Variants in XYLB observed in about 807,000 individuals in gnomAD.
XYLB encodes xylulose kinase.
A neutral mutation model predicts 78.7 loss-of-function variants in XYLB; 62 were observed. The ratio of observed to expected loss-of-function variants is 0.79; its 90% CI spans 0.64 to 0.97. The LOEUF (loss-of-function observed/expected upper bound fraction) is 0.97, where lower values mean the gene tolerates loss of function less well. XYLB is among the 50% of genes least tolerant of loss of function. The probability of loss-of-function intolerance (pLI) is 0.00; values close to 1 mark genes in which losing one functional copy is unlikely to be tolerated. For missense variants in XYLB, 687 were observed against 676.8 expected, an observed-to-expected ratio of 1.02 and a Z score of -0.17; for synonymous variants, 245 against 247.4, an observed-to-expected ratio of 0.99 and a Z score of 0.09.
chr3:38,372,465 C>T (rs973352342), intron 9 of XYLB, 190 bp from the exon 10 acceptor site: 29 of 985,178 alleles, frequency 2.9e-5, no homozygotes, highest in Non-Finnish European at 3.3e-5. Flanking sequence ...ACTTCTCTGG[C>T]GATTTGTGAA....
chr3:38,382,689 C>G (rs561564363), intron 15 of XYLB, among the ~76,000 whole-genome samples: 1 of 152,224 alleles, frequency 6.6e-6, no homozygotes, highest in East Asian at 1.9e-4. Context: ...GGCAGGGGTC[C>G]TCCGGCTGTC....
the XYLB span, among the ~76,000 whole-genome samples, chr3:38,431,086 G>T: frequency 2.0e-5 from 3 of 152,132 alleles, no homozygotes; most frequent in South Asian, 6.2e-4. Context: ...TTCCAATTCT[G>T]TGAAGAAAGT....
At chr3:38,379,050 T>C (rs1050662702) in intron 14 of XYLB, among the ~76,000 whole-genome samples, 196 bp from the exon 15 acceptor site, 2 of 151,916 alleles carry the variant, frequency 1.3e-5, no homozygotes, top group Non-Finnish European at 2.9e-5. Context: ...GACATGCATG[T>C]GAGGCTGTGA....
At chr3:38,445,889 T>C in the XYLB span, among the ~76,000 whole-genome samples, 2 of 152,164 alleles carry the variant, frequency 1.3e-5, no homozygotes, top group South Asian at 4.1e-4. Flanking sequence ...AGGGGTCCAA[T>C]GGTACTCACT....
At chr3:38,448,100 G>C in the XYLB span, among the ~76,000 whole-genome samples, 1 of 152,078 alleles carries the variant, frequency 6.6e-6, no homozygotes, top group Non-Finnish European at 1.5e-5. Flanking sequence ...CAGCATCGTG[G>C]ATGGATCTGG....
At chr3:38,447,792 C>G in the XYLB span, among the ~76,000 whole-genome samples, 2 of 152,118 alleles carry the variant, frequency 1.3e-5, no homozygotes, top group African/African-American at 4.8e-5. Flanking sequence ...AAAGGAATAC[C>G]TCCATTCTTG....
chr3:38,411,354 G>T (rs1444414812), intron 18 of XYLB, among the ~76,000 whole-genome samples: 1 of 152,020 alleles, frequency 6.6e-6, no homozygotes, highest in Non-Finnish European at 1.5e-5. Flanking sequence ...CACAGGAAGG[G>T]GAACATCACA....
At chr3:38,353,481 G>T (rs1245566424) in intron 2 of XYLB, among the ~76,000 whole-genome samples, 1 of 151,636 alleles carries the variant, frequency 6.6e-6, no homozygotes, top group Non-Finnish European at 1.5e-5. Context: ...TAATTTTTTT[G>T]TATTTTTTTT....
intron 15 of XYLB, among the ~76,000 whole-genome samples, chr3:38,380,936 A>T (rs533705078): frequency 6.6e-6 from 1 of 152,362 alleles, no homozygotes; most frequent in African/African-American, 2.4e-5. Flanking sequence ...AAACATGGAC[A>T]TACATATGGC....
intron 15 of XYLB, among the ~76,000 whole-genome samples, chr3:38,394,882 TCTCCCTAGGG>T (rs1265127153): frequency 2.0e-5 from 3 of 152,136 alleles, no homozygotes; most frequent in African/African-American, 7.2e-5. Flanking sequence ...CATGTAGACC[TCTCCCTAGGG>T]CTGCTTGAGT....
At chr3:38,353,522 G>T (rs1705479908) in intron 2 of XYLB, among the ~76,000 whole-genome samples, 1 of 151,732 alleles carries the variant, frequency 6.6e-6, no homozygotes, top group Non-Finnish European at 1.5e-5. Flanking sequence ...TGTTGCCCAG[G>T]CTGGTCTCGA....
At chr3:38,409,367 G>A (rs937259665) in intron 18 of XYLB, among the ~76,000 whole-genome samples, 1 of 152,138 alleles carries the variant, frequency 6.6e-6, no homozygotes. Context: ...CAATAAATTA[G>A]GTATTGATGG....
At chr3:38,351,472 C>T (rs1705362289) in intron 2 of XYLB, among the ~76,000 whole-genome samples, 2 of 152,086 alleles carry the variant, frequency 1.3e-5, no homozygotes, top group Admixed American at 6.6e-5. Flanking sequence ...AGATTTAGTT[C>T]ATTCCTTCCC....
At chr3:38,420,888 A>G (rs1141465), downstream of XYLB, among the ~76,000 whole-genome samples, 110,634 of 151,874 alleles carry the variant, frequency 0.73, 41,047 homozygotes, top group African/African-American at 0.88. Context: ...TTGGTTTACT[A>G]GAGCAGGGCA....
chr3:38,346,962 C>T (rs755711532), intron 1 of XYLB, 37 bp downstream of exon 1: 2 of 1,422,298 alleles, frequency 1.4e-6, no homozygotes, highest in Non-Finnish European at 1.8e-6. Flanking sequence ...GGGGCCGCCT[C>T]CTCCGCTTCG....
chr3:38,347,001 G>A lies in XYLB; in HGVS notation c.57+76G>A, dbSNP rs888707154. 6.9e-6 allele frequency: 9 copies of A among 1,310,876 alleles called. No individual in the cohort carries two copies. In the Admixed American group the frequency reaches 3.3e-4, roughly 48 times the overall value. The allele number at this position is 1,310,876 out of a possible 1,614,324, so 81.2% of individuals were successfully genotyped here. On this transcript the variant is annotated intron_variant, in intron 1 of 18. Coordinates refer to ENST00000207870, the MANE Select transcript of XYLB (RefSeq NM_005108.4). ...GGGGTAGGGGGCGGGCTGTCACCCG[G>A]ACGCGGGAAAACATGGGCCCGGCCG...
chr3:38,434,998 G>T, the XYLB span, among the ~76,000 whole-genome samples: 2 of 152,108 alleles, frequency 1.3e-5, no homozygotes, highest in South Asian at 2.1e-4. Context: ...TTAGCTACGT[G>T]TGGTGGTACG....
At chr3:38,403,769 G>T (rs564193625) in intron 18 of XYLB, among the ~76,000 whole-genome samples, 1 of 152,246 alleles carries the variant, frequency 6.6e-6, no homozygotes, top group Non-Finnish European at 1.5e-5. Flanking sequence ...AGCAGCGTCT[G>T]CCTCATCTAG....
chr3:38,363,197 C>T (rs1706069392), intron 4 of XYLB, among the ~76,000 whole-genome samples, 180 bp downstream of exon 4: 2 of 152,122 alleles, frequency 1.3e-5, no homozygotes, highest in African/African-American at 2.4e-5. Flanking sequence ...TATAACTTGT[C>T]TCGTTGCAAA....
Sources: allele counts gnomAD v4.1 joint callset (sites outside exome capture counted in the v4.1 genomes callset), GRCh38; gene constraint gnomAD v4.1.1; transcripts MANE v1.5; gene names NCBI Gene and HGNC (gene_info 2026-07-23, HGNC 2026-07-21).